ERCC6L2: variants seen among roughly 807,000 people sequenced by gnomAD.
ERCC6L2 encodes the protein DNA excision repair protein ERCC-6-like 2.
A neutral mutation model predicts 132.0 loss-of-function variants in ERCC6L2; 77 were observed. The ratio of observed to expected loss-of-function variants is 0.58; its 90% confidence interval spans 0.49 to 0.71. ERCC6L2 has a LOEUF of 0.71. ERCC6L2 is among the 30% of genes least tolerant of loss of function. ERCC6L2 has a pLI of 0.00. For synonymous variants in ERCC6L2, 583 were observed against 632.4 expected, an observed-to-expected ratio of 0.92 and a Z score of 1.17; for missense variants, 1,542 against 1,837.6, an observed-to-expected ratio of 0.84 and a Z score of 2.94.
rs545502385 is a variant in ERCC6L2, at chr9:96,001,887, C to T, written c.3493-2633C>T. The stretch of plus-strand genomic sequence containing the variant: ...CCGTGGGAAGGCAGCCAAGGCCCGG[C>T]GAGAAATCGAGCGTAGCACCAGTGG... On this transcript the variant is annotated intron_variant, in intron 17 of 18. Coordinates refer to ENST00000653738, the MANE Select transcript of ERCC6L2 (RefSeq NM_020207.7). Among the ~76,000 whole-genome samples the T allele has an allele frequency of 1.1e-3, 171 of 152,338 alleles. 1 individual carries two copies. The highest frequency in any genetic ancestry group is 3.8e-3 in the African/African-American group (157 of 41,584).
At chr9:95,973,272 T>C (rs1185398830) in intron 16 of ERCC6L2, among the ~76,000 whole-genome samples, 184 bp downstream of exon 16, 1 of 152,174 alleles carries the variant, frequency 6.6e-6, no homozygotes, top group African/African-American at 2.4e-5. Context: ...ATAGAGAATG[T>C]TGCCATCTAC....
intron 6 of ERCC6L2, among the ~76,000 whole-genome samples, chr9:95,918,954 G>A (rs751136203): frequency 6.6e-6 from 1 of 151,856 alleles, no homozygotes; most frequent in African/African-American, 2.4e-5. Flanking sequence ...TGCAAGCTCC[G>A]CCTCCCTGGG....
At chr9:95,899,833 A>G (rs1047411216) in intron 3 of ERCC6L2, among the ~76,000 whole-genome samples, 1 of 152,166 alleles carries the variant, frequency 6.6e-6, no homozygotes. Context: ...ACTTAGTGCA[A>G]TGTAAAGTCT....
intron 4 of ERCC6L2, among the ~76,000 whole-genome samples, chr9:95,913,141 C>T (rs537926879): frequency 6.6e-6 from 1 of 152,256 alleles, no homozygotes; most frequent in East Asian, 1.9e-4. Flanking sequence ...TCCTGGTATC[C>T]CTCAATCCTT....
chr9:95,934,428 A>T (rs937004024), intron 11 of ERCC6L2, among the ~76,000 whole-genome samples: 1 of 130,416 alleles, frequency 7.7e-6, no homozygotes, highest in African/African-American at 2.8e-5. Context: ...ATGCTGATAG[A>T]AAAAAATGAA....
intron 14 of ERCC6L2, among the ~76,000 whole-genome samples, chr9:95,970,303 T>C (rs1832355196): frequency 6.6e-6 from 1 of 152,160 alleles, no homozygotes; most frequent in African/African-American, 2.4e-5. Context: ...CACTAGTACT[T>C]TTAATGAAGT....
intron 16 of ERCC6L2, among the ~76,000 whole-genome samples, chr9:95,974,090 C>T (rs530922126): frequency 1.3e-5 from 2 of 152,328 alleles, no homozygotes; most frequent in East Asian, 1.9e-4. Context: ...TGTTTATTCT[C>T]TCTCTTTATG....
At chr9:95,890,772 A>T (rs1720228977) in intron 2 of ERCC6L2, among the ~76,000 whole-genome samples, 1 of 151,984 alleles carries the variant, frequency 6.6e-6, no homozygotes. Context: ...GGCTCAAGTG[A>T]TCCTCCCCAC....
At chr9:96,031,475 G>A (rs563836314) in intron 19 of ERCC6L2, among the ~76,000 whole-genome samples, 1 of 152,344 alleles carries the variant, frequency 6.6e-6, no homozygotes, top group Admixed American at 6.5e-5. Context: ...TGCTCAGCCA[G>A]AACAAACTCT....
At chr9:96,021,551 C>G (rs903731480), downstream of ERCC6L2, 10 of 169,384 alleles carry the variant, frequency 5.9e-5, no homozygotes, top group African/African-American at 2.4e-4. The surrounding 1 kb of genome is among the most constrained non-coding windows in gnomAD (Gnocchi z 4.7). Context: ...GGGACCCGGG[C>G]TGGCGATGGG....
At chr9:95,990,632 G>A (rs931018216) in intron 17 of ERCC6L2, among the ~76,000 whole-genome samples, 6 of 152,156 alleles carry the variant, frequency 3.9e-5, no homozygotes, top group African/African-American at 7.2e-5. Flanking sequence ...GTGTACAAGC[G>A]AGCAAGCAAG....
intron 2 of ERCC6L2, among the ~76,000 whole-genome samples, chr9:95,887,975 T>C (rs560206714): frequency 6.6e-6 from 1 of 152,182 alleles, no homozygotes; most frequent in Admixed American, 6.5e-5. Flanking sequence ...ACAGATAAAA[T>C]TGTATTTCTT....
At chr9:95,906,950 G>T in intron 3 of ERCC6L2, 128 bp from the exon 4 acceptor site, 1 of 659,052 alleles carries the variant, frequency 1.5e-6, no homozygotes, top group South Asian at 1.9e-5. Flanking sequence ...TCACTCAGTT[G>T]TATTTATTGT....
intron 17 of ERCC6L2, among the ~76,000 whole-genome samples, chr9:95,991,168 G>A (rs1160926980): frequency 1.3e-5 from 2 of 151,980 alleles, no homozygotes; most frequent in African/African-American, 4.8e-5. Context: ...ACGTTTGGGT[G>A]GAAAAACGGG....
At chr9:96,038,378 G>A (rs1834543431) in intron 19 of ERCC6L2, among the ~76,000 whole-genome samples, 1 of 152,180 alleles carries the variant, frequency 6.6e-6, no homozygotes, top group African/African-American at 2.4e-5. Flanking sequence ...CTACACTGCA[G>A]AGTCGTATGT....
chr9:95,975,375 G>T (rs936987106), intron 16 of ERCC6L2, among the ~76,000 whole-genome samples: 1 of 133,882 alleles, frequency 7.5e-6, no homozygotes, highest in Admixed American at 7.6e-5. Flanking sequence ...TAAAAGTTTT[G>T]CTGGATGTAA....
chr9:95,892,573 C>G (rs1272154952), intron 2 of ERCC6L2, among the ~76,000 whole-genome samples: 1 of 151,902 alleles, frequency 6.6e-6, no homozygotes, highest in Non-Finnish European at 1.5e-5. Context: ...TAGGCATGTG[C>G]CACCACACCC....
intron 2 of ERCC6L2, among the ~76,000 whole-genome samples, chr9:95,885,702 C>T (rs771135331): frequency 6.6e-6 from 1 of 152,148 alleles, no homozygotes; most frequent in Non-Finnish European, 1.5e-5. Context: ...TGAGTGGGTG[C>T]TTACCATGGA....
chr9:96,006,874 T>C (rs1401217052), intron 18 of ERCC6L2, among the ~76,000 whole-genome samples: 1 of 152,180 alleles, frequency 6.6e-6, no homozygotes, highest in Non-Finnish European at 1.5e-5. Flanking sequence ...GCAAGCTTAA[T>C]GGGACCAGAA....
Sources: allele counts gnomAD v4.1 joint callset (sites outside exome capture counted in the v4.1 genomes callset), GRCh38; gene constraint gnomAD v4.1.1; non-coding constraint Gnocchi (gnomAD v3.1); transcripts MANE v1.5; gene names NCBI Gene and HGNC (gene_info 2026-07-23, HGNC 2026-07-21).